The following EPHA3 variants were observed in gnomAD, a reference collection of about 807,000 sequenced individuals.
The protein encoded by EPHA3 is EPH receptor A3.
EPHA3 carries 42 observed loss-of-function variants against 107.1 expected under a neutral mutation model. The ratio of observed to expected loss-of-function variants is 0.39; its 90% confidence interval spans 0.31 to 0.51. The LOEUF is 0.51. Ranked by LOEUF, EPHA3 falls within the 20% of genes least tolerant of loss-of-function variation. The pLI is 0.78. For missense variants in EPHA3, 1,183 were observed against 1,211.2 expected (o/e 0.98, Z 0.35); for synonymous variants, 461 against 424.8 (o/e 1.09, Z -1.05).
chr3:89,209,386 T>C (rs1706210119), intron 2 of EPHA3, among the ~76,000 whole-genome samples: 1 of 151,980 alleles, frequency 6.6e-6, no homozygotes, highest in Non-Finnish European at 1.5e-5. Context: ...TGATGATACA[T>C]AGTAAAAATA....
At chr3:89,383,909 A>G (rs9849029) in intron 5 of EPHA3, among the ~76,000 whole-genome samples, 34,022 of 151,658 alleles carry the variant, frequency 0.22, 4,128 homozygotes, top group Non-Finnish European at 0.27. Flanking sequence ...CGGCCCCCCA[A>G]AGTGCTGGGA....
intron 7 of EPHA3, among the ~76,000 whole-genome samples, chr3:89,401,961 T>C (rs1708972976): frequency 6.6e-6 from 1 of 152,164 alleles, no homozygotes; most frequent in African/African-American, 2.4e-5. Context: ...ATCATAGAAT[T>C]AGCAAAAGCT....
At chr3:89,332,801 G>C (rs939494228) in intron 3 of EPHA3, among the ~76,000 whole-genome samples, 11 of 152,106 alleles carry the variant, frequency 7.2e-5, no homozygotes, top group African/African-American at 2.7e-4. Flanking sequence ...TGTGTGGAGG[G>C]AGCTAACGTC....
At chr3:89,284,443 T>TCAA (rs1706029072) in intron 3 of EPHA3, among the ~76,000 whole-genome samples, 1 of 152,124 alleles carries the variant, frequency 6.6e-6, no homozygotes, top group Non-Finnish European at 1.5e-5. Flanking sequence ...CCATCACCTT[T>TCAA]TTTTTTATCA....
intron 2 of EPHA3, among the ~76,000 whole-genome samples, chr3:89,166,412 AAGGGTAGTT>A (rs1705067832): frequency 6.6e-6 from 1 of 152,140 alleles, no homozygotes; most frequent in Admixed American, 6.6e-5. Context: ...CATGGAGAGG[AAGGGTAGTT>A]ATTGGATGCC....
intron 1 of EPHA3, among the ~76,000 whole-genome samples, chr3:89,123,667 A>G (rs1704020547): frequency 6.6e-6 from 1 of 152,200 alleles, no homozygotes; most frequent in Admixed American, 6.5e-5. Context: ...AGAAAAACCT[A>G]GAACCATATC....
At chr3:89,153,680 C>A (rs1158434030) in intron 2 of EPHA3, among the ~76,000 whole-genome samples, 1 of 152,058 alleles carries the variant, frequency 6.6e-6, no homozygotes, top group Admixed American at 6.6e-5. Context: ...CCATCTTTTA[C>A]CTATTTTTTG....
At chr3:89,428,985 A>G (rs1709508400) in intron 11 of EPHA3, 121 bp from the exon 12 acceptor site, 1 of 581,500 alleles carries the variant, frequency 1.7e-6, no homozygotes, top group South Asian at 6.1e-5. Context: ...TTTAAAAATT[A>G]GAAGACAGGC....
intron 2 of EPHA3, among the ~76,000 whole-genome samples, chr3:89,131,134 C>T (rs1704199611): frequency 1.3e-5 from 2 of 151,850 alleles, no homozygotes; most frequent in Non-Finnish European, 2.9e-5. Context: ...TTGTGGAGGT[C>T]GTGAATAGCA....
Position 89,411,361 on chromosome 3 carries a change from G to A in EPHA3, c.1763-1780G>A, listed in dbSNP as rs114853822. 9.4e-3 allele frequency among the ~76,000 whole-genome samples: 1,425 copies of A among 151,756 alleles called. 23 individuals carry two copies. The highest frequency in any genetic ancestry group is 0.033 in the African/African-American group (1,359 of 41,426). On this transcript the variant is annotated intron_variant, in intron 9 of 16. Transcript: ENST00000336596. The stretch of plus-strand genomic sequence containing the variant: ...TGTCCTTTCAAATTATCCACACCTC[G>A]CCTCAAGCTGGATAGCAGCTGCTCT...
intron 3 of EPHA3, among the ~76,000 whole-genome samples, chr3:89,216,894 G>C (rs1254093339): frequency 1.3e-5 from 2 of 151,968 alleles, no homozygotes; most frequent in African/African-American, 2.4e-5. Flanking sequence ...ACTTCTTCCA[G>C]CGTAAGGAGA....
intron 5 of EPHA3, among the ~76,000 whole-genome samples, chr3:89,350,446 A>C (rs1384693940): frequency 1.3e-5 from 2 of 151,374 alleles, no homozygotes; most frequent in Admixed American, 6.6e-5. Flanking sequence ...CGTAGTTCTC[A>C]AGCCTTGGTT....
At chr3:89,329,649 GA>G (rs1267688993) in intron 3 of EPHA3, among the ~76,000 whole-genome samples, 1 of 151,328 alleles carries the variant, frequency 6.6e-6, no homozygotes, top group Non-Finnish European at 1.5e-5. Context: ...ACATAGTGAA[GA>G]AAAAAAATGG....
chr3:89,363,620 A>G (rs1314763942), intron 5 of EPHA3, among the ~76,000 whole-genome samples: 7 of 150,748 alleles, frequency 4.6e-5, no homozygotes, highest in Non-Finnish European at 1.0e-4. Context: ...CAAATATCTG[A>G]GTACCATGGC....
chr3:89,196,828 A>G (rs757051440), intron 2 of EPHA3, among the ~76,000 whole-genome samples: 11 of 152,060 alleles, frequency 7.2e-5, no homozygotes, highest in Non-Finnish European at 1.0e-4. Context: ...CACATTCAAC[A>G]CTTTTCTCTC....
intron 3 of EPHA3, among the ~76,000 whole-genome samples, chr3:89,308,787 T>C (rs901294040): frequency 2.0e-5 from 3 of 152,074 alleles, no homozygotes; most frequent in Admixed American, 1.3e-4. Context: ...GAATAACAAT[T>C]TTAATGAAAC....
intron 3 of EPHA3, among the ~76,000 whole-genome samples, chr3:89,228,807 T>A (rs897037188): frequency 5.3e-5 from 8 of 151,834 alleles, no homozygotes; most frequent in South Asian, 2.1e-4. Flanking sequence ...AACATTTTTT[T>A]AAAAGTTTTC....
intron 1 of EPHA3, among the ~76,000 whole-genome samples, chr3:89,111,993 A>ACTGTAG (rs1280629909): frequency 6.6e-6 from 1 of 152,056 alleles, no homozygotes; most frequent in Non-Finnish European, 1.5e-5. Context: ...AATTATTGTT[A>ACTGTAG]CTGTAGTTGA....
At chr3:89,272,251 CTACCATTTTTTTTGTACCAAATGTAT>C (rs1341457687) in intron 3 of EPHA3, among the ~76,000 whole-genome samples, 1 of 151,284 alleles carries the variant, frequency 6.6e-6, no homozygotes, top group African/African-American at 2.4e-5. Flanking sequence ...GTCAACCGTA[CTACCATTTTTTTTGTACCAAATGTAT>C]TACCATTTTT....
Sources: allele counts gnomAD v4.1 joint callset (sites outside exome capture counted in the v4.1 genomes callset), GRCh38; gene constraint gnomAD v4.1.1; transcripts MANE v1.5; gene names NCBI Gene and HGNC (gene_info 2026-07-23, HGNC 2026-07-21).